HMCN1: variants seen among roughly 807,000 people sequenced by gnomAD.
The protein encoded by HMCN1 is hemicentin-1.
HMCN1 carries 321 observed loss-of-function variants against 625.9 expected under a neutral mutation model. The ratio of observed to expected loss-of-function variants is 0.51; its 90% CI spans 0.47 to 0.56. The LOEUF (loss-of-function observed/expected upper bound fraction) is 0.56, where lower values mean the gene tolerates loss of function less well. HMCN1 is among the 20% of genes least tolerant of loss of function. The pLI, the probability that HMCN1 is intolerant of heterozygous loss-of-function variation, is 0.00. For missense variants in HMCN1, 6,588 were observed against 6,887.3 expected (o/e 0.96, Z 1.54); for synonymous variants, 2,425 against 2,417.6 (o/e 1.00, Z -0.09).
intron 30 of HMCN1, among the ~76,000 whole-genome samples, chr1:186,010,080 C>G (rs1571710327): frequency 6.6e-6 from 1 of 152,088 alleles, no homozygotes; most frequent in Non-Finnish European, 1.5e-5. Flanking sequence ...GCTGTAGGGC[C>G]CAGTTCCTAA....
At chr1:185,948,013 T>C (rs1156632465) in intron 11 of HMCN1, among the ~76,000 whole-genome samples, 2 of 152,192 alleles carry the variant, frequency 1.3e-5, no homozygotes, top group African/African-American at 4.8e-5. Flanking sequence ...CCTAAATCAG[T>C]AGGCACACTG....
rs2102206123 is a variant in HMCN1 at position 185,793,596 on chromosome 1, C to T, written c.269-52430C>T. ...ACATCTTTGGGAGGCCATTATTCTGCCTATCATAGTTACCTTAATATGGAA... is the reference window on the plus strand; with the variant it reads ...ACATCTTTGGGAGGCCATTATTCTGTCTATCATAGTTACCTTAATATGGAA... On this transcript the variant is annotated intron_variant, in intron 1 of 106. Transcript: ENST00000271588. Among the ~76,000 whole-genome samples, 4 of 152,220 alleles carry T rather than the reference C, an allele frequency of 2.6e-5. No homozygotes were observed. In the Middle Eastern group the frequency reaches 0.014, roughly 518 times the overall value.
chr1:185,777,796 T>A (rs1438756302), intron 1 of HMCN1, among the ~76,000 whole-genome samples: 1 of 152,222 alleles, frequency 6.6e-6, no homozygotes, highest in Non-Finnish European at 1.5e-5. Flanking sequence ...AGCTCTATTA[T>A]CCTCCAGCTG....
chr1:185,893,640 A>G (rs971917445), intron 4 of HMCN1, among the ~76,000 whole-genome samples: 1 of 152,228 alleles, frequency 6.6e-6, no homozygotes, highest in African/African-American at 2.4e-5. Flanking sequence ...AATACACTAC[A>G]GCATCAGATA....
intron 85 of HMCN1, 95 bp downstream of exon 85, chr1:186,130,792 C>A: frequency 9.6e-7 from 1 of 1,046,044 alleles, no homozygotes; most frequent in East Asian, 2.4e-5. Flanking sequence ...TCTTACATTC[C>A]TATTTAAATC....
intron 94 of HMCN1, 59 bp downstream of exon 94, chr1:186,151,408 C>A: frequency 6.6e-7 from 1 of 1,507,040 alleles, no homozygotes; most frequent in Non-Finnish European, 9.2e-7. Flanking sequence ...CATCTTATTA[C>A]TTCCATTAAA....
rs373568956 is a variant in HMCN1, at chr1:185,847,982, TG to T, written c.339+1887del. ...AGAAAGCAAAAAAAAAAGTTTTCAT[TG>T]TTTTTTAAATATGTATGTTCAAGTC... On this transcript the variant is annotated intron_variant, in intron 2 of 106. Transcript: ENST00000271588. Among the ~76,000 whole-genome samples, 310 of 152,256 alleles carry T rather than the reference TG, an allele frequency of 2.0e-3. 4 individuals carry two copies. The highest frequency in any genetic ancestry group is 7.3e-3 in the African/African-American group (303 of 41,564).
At chr1:186,104,659 C>G (rs969813525) in intron 69 of HMCN1, among the ~76,000 whole-genome samples, 4 of 152,170 alleles carry the variant, frequency 2.6e-5, no homozygotes, top group Non-Finnish European at 4.4e-5. Context: ...AGATTAAGTA[C>G]TTATCTGCCA....
chr1:185,880,808 A>C (rs757108528), intron 4 of HMCN1, among the ~76,000 whole-genome samples: 1 of 152,236 alleles, frequency 6.6e-6, no homozygotes, highest in Non-Finnish European at 1.5e-5. Context: ...CTCTACTGCT[A>C]TGTGTTAGTT....
At chr1:185,945,927 G>C (rs1339133458) in intron 11 of HMCN1, among the ~76,000 whole-genome samples, 4 of 152,172 alleles carry the variant, frequency 2.6e-5, no homozygotes, top group Admixed American at 6.5e-5. Context: ...TCAGCAAAAA[G>C]ACAAGGTAAC....
At chr1:185,754,874 AC>A (rs1655037793) in intron 1 of HMCN1, among the ~76,000 whole-genome samples, 1 of 152,142 alleles carries the variant, frequency 6.6e-6, no homozygotes, top group African/African-American at 2.4e-5. Context: ...AAAATAAAAA[AC>A]AATAGTTAAG....
intron 19 of HMCN1, among the ~76,000 whole-genome samples, chr1:185,986,919 TAACAA>T (rs1161642327): frequency 4.0e-5 from 6 of 151,798 alleles, no homozygotes; most frequent in African/African-American, 1.4e-4. Flanking sequence ...GAATTCTTCT[TAACAA>T]AACAAAACTT....
rs1667209942 is a variant in HMCN1, at chr1:185,925,065, T to C, written c.1304T>C (p.Met435Thr). The C allele has an allele frequency of 3.1e-6, 5 of 1,613,286 alleles. No individual in the cohort carries two copies. Among genetic ancestry groups the C allele is most frequent in the Middle Eastern group, 3.3e-4 (2 of 6,062 alleles). ...SIVPDAPKVT[M>T]PEKTPGYYLQ... ...TTCCTAGATGCTCCCAAAGTTACGA[T>C]GCCTGAGAAAACCCCAGGATACTAT... The change falls in exon 9 of 107, where the codon ATG becomes ACG. Residue 435 changes from methionine to threonine, a missense_variant. Met to Thr is a moderately conservative substitution (Grantham distance 81, BLOSUM62 -1). Coordinates refer to ENST00000271588, the MANE Select transcript of HMCN1 (RefSeq NM_031935.3).
chr1:186,184,987 G>A (rs896172509), intron 105 of HMCN1, among the ~76,000 whole-genome samples: 2 of 152,082 alleles, frequency 1.3e-5, no homozygotes, highest in Admixed American at 1.3e-4. Context: ...GATTCCTAGA[G>A]AGAATGCTTC....
At chr1:186,025,272 A>G (rs777652480) in intron 36 of HMCN1, among the ~76,000 whole-genome samples, 1 of 152,146 alleles carries the variant, frequency 6.6e-6, no homozygotes. Flanking sequence ...CTAACCAGCC[A>G]TCAACTGGTA....
chr1:186,010,240 T>A (rs1653911304), intron 30 of HMCN1, among the ~76,000 whole-genome samples: 1 of 152,126 alleles, frequency 6.6e-6, no homozygotes, highest in African/African-American at 2.4e-5. Flanking sequence ...GGTGTATCTA[T>A]ACATGCATAT....
At chr1:185,931,405 C>T (rs905701409) in intron 10 of HMCN1, among the ~76,000 whole-genome samples, 6 of 152,122 alleles carry the variant, frequency 3.9e-5, no homozygotes, top group African/African-American at 7.2e-5. Context: ...CCTATTCCTA[C>T]CAAATTTATT....
chr1:185,987,358 A>G, intron 19 of HMCN1, 74 bp from the exon 20 acceptor site: 1 of 902,982 alleles, frequency 1.1e-6, no homozygotes, highest in Non-Finnish European at 1.9e-6. Flanking sequence ...TGTAATGAAA[A>G]TGTTCAACTT....
At chr1:185,861,369 C>G (rs940336580) in intron 2 of HMCN1, among the ~76,000 whole-genome samples, 8 of 152,170 alleles carry the variant, frequency 5.3e-5, no homozygotes, top group African/African-American at 1.9e-4. Flanking sequence ...CATTTAATCT[C>G]TCCTTAGAAT....
Sources: gnomAD v4.1 joint callset for allele counts (sites outside exome capture counted in the v4.1 genomes callset) on GRCh38, gnomAD v4.1.1 for gene constraint, MANE v1.5 for transcripts, NCBI Gene and HGNC (gene_info 2026-07-23, HGNC 2026-07-21) for gene names.